Variants in LAMA3 observed in about 807,000 individuals in gnomAD.
LAMA3 encodes laminin subunit alpha 3.
In LAMA3, 281 loss-of-function variants were observed where a neutral mutation model predicts 402.0. The observed-to-expected ratio is 0.70, with a 90% CI of 0.63 to 0.77. The LOEUF (loss-of-function observed/expected upper bound fraction) is 0.77. Ranked by LOEUF, LAMA3 falls within the 30% of genes least tolerant of loss-of-function variation. The pLI is 0.00. For synonymous variants in LAMA3, 1,431 were observed against 1,558.4 expected (o/e 0.92, Z 1.93); for missense variants, 3,840 against 4,215.5 (o/e 0.91, Z 2.47).
In LAMA3 at chr18:23,745,344, A is replaced by T. The variant is rs144867439; in HGVS notation, c.448-2599A>T. ...GAGCCACTGAAGCTACTTCTTTCAT[A>T]TAGCTTTGTAGTAGCAGAAAGTACA... On this transcript the variant is annotated intron_variant, in intron 2 of 74. Coordinates refer to ENST00000313654, the MANE Select transcript of LAMA3 (RefSeq NM_198129.4). Among the ~76,000 whole-genome samples, 233 of 152,350 alleles carry T rather than the reference A, an allele frequency of 1.5e-3. 1 individual carries two copies. Among genetic ancestry groups the T allele is most frequent in the Admixed American group, 2.7e-3 (41 of 15,306 alleles).
intron 73 of LAMA3, 140 bp downstream of exon 73, chr18:23,951,917 C>T (rs2082929509): frequency 2.9e-6 from 2 of 696,092 alleles, no homozygotes; most frequent in East Asian, 5.5e-5. Context: ...CGTGTCCATT[C>T]ACAACCCCAG....
rs1262825402 is a variant in LAMA3 at position 23,876,366 on chromosome 18, G to A, written c.5071G>A (p.Gly1691Arg). 7 of 1,613,968 alleles carry A rather than the reference G, an allele frequency of 4.3e-6. No individual in the cohort carries two copies. In the South Asian group the frequency reaches 5.5e-5, roughly 13 times the overall value. Reference protein sequence around the residue: ...TGRCVPCNCNGHSNQCQDGSG... With the variant: ...TGRCVPCNCNRHSNQCQDGSG... Reference sequence around the variant, plus strand: ...ACGGTGTGTTCCCTGCAATTGCAACGGACATTCAAATCAATGCCAGGATGG... The same window carrying A: ...ACGGTGTGTTCCCTGCAATTGCAACAGACATTCAAATCAATGCCAGGATGG... The change falls in exon 39 of 75, where the codon GGA (glycine) becomes AGA (arginine). Residue 1691 changes from glycine to arginine, a missense_variant. By Grantham distance (125) the Gly-to-Arg change is moderately radical. Around this residue, in one of 3 missense-constraint regions of LAMA3, gnomAD observed 2,109 missense variants for 2,376.0 expected, o/e 0.89. Coordinates refer to ENST00000313654, the MANE Select transcript of LAMA3 (RefSeq NM_198129.4).
In LAMA3 at chr18:23,853,809, A is replaced by T. The variant is rs531684431; in HGVS notation, c.4137-4035A>T. Among the ~76,000 whole-genome samples the T allele has an allele frequency of 6.6e-5, 10 of 152,350 alleles. No individual in the cohort carries two copies. In the East Asian group the frequency reaches 1.9e-3, roughly 29 times the overall value. On this transcript the variant is annotated intron_variant, in intron 32 of 74. Transcript: ENST00000313654. The stretch of plus-strand genomic sequence containing the variant: ...GGTACCATAAATTCGCTGTAGAGAA[A>T]CATACCAAGTCAGGCCGACATGAGG...
rs575564054 is a variant in LAMA3 at position 23,842,391 on chromosome 18, T to G, written c.3337-4T>G. 5.0e-6 allele frequency: 8 copies of G among 1,614,204 alleles called. No homozygotes were observed. In the East Asian group the frequency reaches 1.8e-4, roughly 36 times the overall value. ...TTTTTTTTCCTCCTCTTTTTTCCTC[T>G]TAGAATCAAGTGACCCTGAGAGGAC... On this transcript the variant is annotated splice_polypyrimidine_tract_variant and splice_region_variant and intron_variant, in intron 27 of 74. Transcript: ENST00000313654.
chr18:23,784,663 G>A (rs2062505396), intron 12 of LAMA3, among the ~76,000 whole-genome samples: 1 of 152,020 alleles, frequency 6.6e-6, no homozygotes, highest in African/African-American at 2.4e-5. Flanking sequence ...ATCCCATCCC[G>A]GCAAGGGTCG....
intron 44 of LAMA3, among the ~76,000 whole-genome samples, chr18:23,896,686 G>T (rs1384381969): frequency 6.6e-6 from 1 of 152,154 alleles, no homozygotes; most frequent in Admixed American, 6.5e-5. Flanking sequence ...CTCATCGTTG[G>T]GTGATGGCCA....
chr18:23,746,426 C>T (rs1404668609), intron 2 of LAMA3, among the ~76,000 whole-genome samples: 1 of 152,148 alleles, frequency 6.6e-6, no homozygotes, highest in African/African-American at 2.4e-5. Context: ...TCCTCCATTA[C>T]AGATCTATGT....
At chr18:23,721,624 A>C (rs1318606492) in intron 2 of LAMA3, among the ~76,000 whole-genome samples, 1 of 152,102 alleles carries the variant, frequency 6.6e-6, no homozygotes. Flanking sequence ...GGTCTCTTCC[A>C]TATCCCTCCA....
intron 62 of LAMA3, among the ~76,000 whole-genome samples, chr18:23,926,339 G>T (rs7245197): frequency 0.51 from 77,985 of 151,952 alleles, 22,763 homozygotes; most frequent in Non-Finnish European, 0.67. Flanking sequence ...ATGGAGAGAG[G>T]GACATCTGGA....
rs1420746935 is a variant in LAMA3 at position 23,839,469 on chromosome 18, G to A, written c.3192-316G>A. The stretch of plus-strand genomic sequence containing the variant: ...ATATTTATGTTTAGAGGTGAATAAT[G>A]TTTTATTGTATTGATCTCATTTTAA... On this transcript the variant is annotated intron_variant, in intron 26 of 74. Coordinates refer to ENST00000313654, the MANE Select transcript of LAMA3 (RefSeq NM_198129.4). The surrounding 1 kb of genome is among the most constrained non-coding windows in gnomAD (Gnocchi z 4.5). Among the ~76,000 whole-genome samples the A allele has an allele frequency of 6.6e-6, 1 of 152,144 alleles. No homozygotes were observed. Among genetic ancestry groups the A allele is most frequent in the Non-Finnish European group, 1.5e-5 (1 of 68,028 alleles).
At chr18:23,946,061 A>G in intron 69 of LAMA3, 83 bp from the exon 70 acceptor site, 2 of 1,351,538 alleles carry the variant, frequency 1.5e-6, no homozygotes, top group Non-Finnish European at 2.1e-6. Flanking sequence ...ATTTTTTTTT[A>G]ATTTGGCCAC....
chr18:23,946,352 G>A lies in LAMA3; in HGVS notation c.9351+68G>A, dbSNP rs563923395. 8.4e-5 allele frequency: 124 copies of A among 1,484,792 alleles called. No homozygotes were observed. The East Asian group carries it at 2.7e-3, about 33-fold the overall frequency. The allele number at this position is 1,484,792 out of a possible 1,614,324, so 92.0% of individuals were successfully genotyped here. A position where few individuals can be genotyped will look rare whatever the true frequency, so the allele number is the denominator to read the frequency against. On this transcript the variant is annotated intron_variant, in intron 70 of 74. Transcript: ENST00000313654. ...TTATATTATAGGCATAATTGTATGA[G>A]ATATTCAAAATACTCACCATATGAG...
At chr18:23,801,362 G>A (rs1381581487) in intron 12 of LAMA3, among the ~76,000 whole-genome samples, 1 of 152,056 alleles carries the variant, frequency 6.6e-6, no homozygotes, top group Non-Finnish European at 1.5e-5. Flanking sequence ...CTCAGTACCT[G>A]GGCGATTTTT....
intron 38 of LAMA3, among the ~76,000 whole-genome samples, chr18:23,873,696 T>C (rs960658511): frequency 6.6e-6 from 1 of 152,152 alleles, no homozygotes; most frequent in Admixed American, 6.5e-5. Context: ...GAAATTCTGC[T>C]CTCTTTAAAC....
At chr18:23,826,668 A>C in intron 21 of LAMA3, 34 bp from the exon 22 acceptor site, 2 of 1,426,054 alleles carry the variant, frequency 1.4e-6, no homozygotes, top group Non-Finnish European at 1.9e-6. Flanking sequence ...TACCATCAAA[A>C]TGAATGATTC....
intron 12 of LAMA3, among the ~76,000 whole-genome samples, chr18:23,800,073 G>A (rs1448975397): frequency 6.6e-6 from 1 of 152,182 alleles, no homozygotes; most frequent in Non-Finnish European, 1.5e-5. Context: ...AAACATCTGG[G>A]CATCGTAGCC....
chr18:23,738,951 G>C lies in LAMA3; in HGVS notation c.448-8992G>C, dbSNP rs564113933. On this transcript the variant is annotated intron_variant, in intron 2 of 74. Coordinates refer to ENST00000313654, the MANE Select transcript of LAMA3 (RefSeq NM_198129.4). ...AAGTTGGAGTTGCATTCTGTTCCCA[G>C]CAAGATTCATACGGTGGAAAGGGGA... Among the ~76,000 whole-genome samples the C allele has an allele frequency of 1.8e-3, 269 of 152,294 alleles. 3 individuals are homozygous for C. The highest frequency in any genetic ancestry group is 3.1e-3 in the Non-Finnish European group (210 of 68,020).
chr18:23,845,155 A>C, intron 30 of LAMA3, 31 bp downstream of exon 30: 1 of 1,268,654 alleles, frequency 7.9e-7, no homozygotes, highest in Non-Finnish European at 1.2e-6. Context: ...AGGCTCTGGA[A>C]TGCAGAGGCA....
chr18:23,738,102 A>T (rs2061505602), intron 2 of LAMA3, among the ~76,000 whole-genome samples: 1 of 151,892 alleles, frequency 6.6e-6, no homozygotes, highest in Admixed American at 6.6e-5. Flanking sequence ...GGAGGGAGGC[A>T]AGCCTGGACT....
Sources: gnomAD v4.1 joint callset for allele counts (sites outside exome capture counted in the v4.1 genomes callset) on GRCh38, gnomAD v4.1.1 for gene constraint, gnomAD v4.1.1 regional missense constraint, Gnocchi (gnomAD v3.1) non-coding constraint, MANE v1.5 for transcripts, NCBI Gene and HGNC (gene_info 2026-07-23, HGNC 2026-07-21) for gene names.